Variants in MAF observed in about 807,000 individuals in gnomAD.
MAF encodes the protein MAF bZIP transcription factor.
In MAF, 10 loss-of-function variants were observed where a neutral mutation model predicts 22.0. That is an observed-to-expected ratio of 0.45 (90% CI 0.28 to 0.77). The LOEUF is 0.77. MAF is among the 30% of genes least tolerant of loss of function. MAF has a pLI of 0.12. For missense variants in MAF, 544 were observed against 548.4 expected (o/e 0.99, Z 0.08); for synonymous variants, 337 against 255.8 (o/e 1.32, Z -3.03).
downstream of MAF, among the ~76,000 whole-genome samples, chr16:79,583,092 A>T (rs1269464316): frequency 6.6e-6 from 1 of 152,238 alleles, no homozygotes; most frequent in African/African-American, 2.4e-5. Context: ...GTAGCTATAC[A>T]CGTTGCGCTA....
At chr16:79,421,563 T>A in the MAF span, among the ~76,000 whole-genome samples, 1 of 151,924 alleles carries the variant, frequency 6.6e-6, no homozygotes, top group African/African-American at 2.4e-5. Flanking sequence ...GACAGAAACC[T>A]CGGAAGGGAA....
chr16:79,407,587 G>C, the MAF span, among the ~76,000 whole-genome samples: 2 of 152,102 alleles, frequency 1.3e-5, no homozygotes, highest in South Asian at 4.1e-4. Context: ...TCATGGCCAT[G>C]GCACGACCCA....
the MAF span, among the ~76,000 whole-genome samples, chr16:79,309,744 A>C: frequency 6.6e-6 from 1 of 152,198 alleles, no homozygotes; most frequent in African/African-American, 2.4e-5. Flanking sequence ...TCATTAGCAT[A>C]TCTCCCTCCC....
chr16:79,520,029 C>A, the MAF span, among the ~76,000 whole-genome samples: 4 of 152,150 alleles, frequency 2.6e-5, no homozygotes, highest in African/African-American at 7.2e-5. Flanking sequence ...GAGTAAATAC[C>A]CCAAGCGTGT....
chr16:79,554,126 CA>C, the MAF span, among the ~76,000 whole-genome samples: 1 of 64,830 alleles, frequency 1.5e-5, no homozygotes, highest in African/African-American at 4.3e-5. Flanking sequence ...AACAAACAAA[CA>C]AAACCACCAA....
chr16:79,279,223 C>T, the MAF span, among the ~76,000 whole-genome samples: 4 of 152,090 alleles, frequency 2.6e-5, no homozygotes, highest in African/African-American at 7.2e-5. Context: ...ATTCTCACCC[C>T]GATCCATGCA....
chr16:79,217,466 T>C, the MAF span, among the ~76,000 whole-genome samples: 1 of 152,234 alleles, frequency 6.6e-6, no homozygotes, highest in Non-Finnish European at 1.5e-5. Flanking sequence ...GTATAAACCT[T>C]ACAAATCATT....
At chr16:79,234,839 C>A in the MAF span, among the ~76,000 whole-genome samples, 6 of 152,102 alleles carry the variant, frequency 3.9e-5, no homozygotes, top group Admixed American at 2.0e-4. Context: ...TGAGGCTGAT[C>A]ATGTAACTTA....
At chr16:79,222,058 T>G in the MAF span, among the ~76,000 whole-genome samples, 1 of 152,168 alleles carries the variant, frequency 6.6e-6, no homozygotes, top group Non-Finnish European at 1.5e-5. Flanking sequence ...GCTCTCTGAC[T>G]ACCATGAAAT....
the MAF span, among the ~76,000 whole-genome samples, chr16:79,459,800 G>C: frequency 6.6e-6 from 1 of 152,160 alleles, no homozygotes; most frequent in Non-Finnish European, 1.5e-5. Flanking sequence ...CTGGACTCAA[G>C]TGATCTGCCT....
At chr16:79,287,917 C>T in the MAF span, among the ~76,000 whole-genome samples, 2 of 152,194 alleles carry the variant, frequency 1.3e-5, no homozygotes, top group Admixed American at 6.5e-5. Context: ...AGCTAGCTAA[C>T]CCTCCTCATC....
chr16:79,499,956 A>G, the MAF span, among the ~76,000 whole-genome samples: 1 of 152,204 alleles, frequency 6.6e-6, no homozygotes, highest in African/African-American at 2.4e-5. Flanking sequence ...CATATCTATT[A>G]TTGTAAGAAA....
chr16:79,531,264 A>G, the MAF span, among the ~76,000 whole-genome samples: 1 of 152,134 alleles, frequency 6.6e-6, no homozygotes, highest in Non-Finnish European at 1.5e-5. Flanking sequence ...TTAAGATGAG[A>G]TAACCTCTAT....
chr16:79,237,428 T>C, the MAF span, among the ~76,000 whole-genome samples: 3,123 of 152,208 alleles, frequency 0.021, 106 homozygotes, highest in African/African-American at 0.072. Flanking sequence ...ATCTCTGCTG[T>C]AATTGGCTAA....
the MAF span, among the ~76,000 whole-genome samples, chr16:79,329,224 G>C: frequency 2.6e-5 from 4 of 152,106 alleles, no homozygotes; most frequent in African/African-American, 9.7e-5. Context: ...AGAGCTCTCA[G>C]AGTTGAGTGA....
the MAF span, among the ~76,000 whole-genome samples, chr16:79,499,079 G>A: frequency 6.6e-6 from 1 of 152,188 alleles, no homozygotes; most frequent in Admixed American, 6.5e-5. Flanking sequence ...TCAATGAAAG[G>A]CACAGAAGTA....
At chr16:79,562,667 C>G in the MAF span, among the ~76,000 whole-genome samples, 1 of 152,170 alleles carries the variant, frequency 6.6e-6, no homozygotes, top group Non-Finnish European at 1.5e-5. Context: ...GTGCCAAGAT[C>G]TCTCTAATCC....
the MAF span, among the ~76,000 whole-genome samples, chr16:79,297,022 C>A: frequency 6.6e-6 from 1 of 152,216 alleles, no homozygotes; most frequent in African/African-American, 2.4e-5. Context: ...CTTTGCTGCT[C>A]TGTGGCGACA....
the MAF span, among the ~76,000 whole-genome samples, chr16:79,339,200 G>C: frequency 6.6e-6 from 1 of 152,064 alleles, no homozygotes; most frequent in Non-Finnish European, 1.5e-5. Context: ...CTCTCGAGTA[G>C]CTGGTACTAC....
Sources: allele counts gnomAD v4.1 joint callset (sites outside exome capture counted in the v4.1 genomes callset), GRCh38; gene constraint gnomAD v4.1.1; transcripts MANE v1.5; gene names NCBI Gene and HGNC (gene_info 2026-07-23, HGNC 2026-07-21).